Variants in AXIN1 observed in about 807,000 individuals in gnomAD.
AXIN1 encodes axin 1.
Under a neutral mutation model 76.4 loss-of-function variants are expected in AXIN1, and 30 were observed. The ratio of observed to expected loss-of-function variants is 0.39; its 90% CI spans 0.29 to 0.53. The LOEUF is 0.53. Among genes scored for constraint, AXIN1 ranks in the 20% least tolerant of loss-of-function variants. The pLI is 0.66. For synonymous variants in AXIN1, 545 were observed against 501.4 expected (o/e 1.09, Z -1.16); for missense variants, 1,140 against 1,198.8 (o/e 0.95, Z 0.72).
At chr16:333,274 G>A (rs867116404) in intron 2 of AXIN1, among the ~76,000 whole-genome samples, 9 of 151,990 alleles carry the variant, frequency 5.9e-5, no homozygotes, top group African/African-American at 2.2e-4. Context: ...AGCGGATGCA[G>A]TGAGCCGAGA....
chr16:332,502 G>T (rs1364821314), intron 2 of AXIN1, among the ~76,000 whole-genome samples: 1 of 151,384 alleles, frequency 6.6e-6, no homozygotes, highest in Non-Finnish European at 1.5e-5. Context: ...CGTGAACCCG[G>T]GAGGTGGAGG....
chr16:294,790 C>T (rs1195243130), intron 7 of AXIN1, among the ~76,000 whole-genome samples: 6 of 141,970 alleles, frequency 4.2e-5, no homozygotes, highest in Non-Finnish European at 7.6e-5. Flanking sequence ...AGGCCAGGCG[C>T]GGTGGCTCAC....
intron 5 of AXIN1, among the ~76,000 whole-genome samples, chr16:298,795 G>C (rs2052789928): frequency 6.6e-6 from 1 of 151,306 alleles, no homozygotes; most frequent in Non-Finnish European, 1.5e-5. Flanking sequence ...TTGAGACAGA[G>C]TCTTGCTCTG....
chr16:347,993 G>C (rs571617270), intron 1 of AXIN1, among the ~76,000 whole-genome samples: 9 of 152,340 alleles, frequency 5.9e-5, no homozygotes, highest in African/African-American at 1.7e-4. Context: ...GGAAGCTATA[G>C]TTCATGTGAC....
At position 350,042 on chromosome 16, in the gene AXIN1, G is replaced by A. The variant is rs577447974; in HGVS notation, c.-82+2327C>T. Among the ~76,000 whole-genome samples the A allele has an allele frequency of 3.3e-5, 5 of 152,242 alleles. No homozygotes were observed. In the East Asian group the frequency reaches 7.7e-4, roughly 24 times the overall value. On this transcript the variant is annotated intron_variant, in intron 1 of 10. Coordinates refer to ENST00000262320, the MANE Select transcript of AXIN1 (RefSeq NM_003502.4). ...GAGCTCAAAGCAATCCACCCGCCTC[G>A]GCCTCCCAAAGTGTTGGGATTACAG...
intron 2 of AXIN1, 61 bp downstream of exon 2, chr16:346,087 T>C: frequency 1.3e-6 from 2 of 1,563,208 alleles, no homozygotes; most frequent in Non-Finnish European, 1.8e-6. Context: ...CACCTTTCCC[T>C]GGCTTGTTCT....
chr16:348,300 C>G (rs2054072966), intron 1 of AXIN1, among the ~76,000 whole-genome samples: 1 of 152,174 alleles, frequency 6.6e-6, no homozygotes, highest in South Asian at 2.1e-4. Context: ...TTTAGAGAAG[C>G]ATGTTGGGTT....
At chr16:335,503 A>C (rs1481553761) in intron 2 of AXIN1, among the ~76,000 whole-genome samples, 1 of 152,060 alleles carries the variant, frequency 6.6e-6, no homozygotes, top group Non-Finnish European at 1.5e-5. Context: ...ACAGCACGCC[A>C]ATAACACAGC....
At chr16:349,506 C>T (rs1189141070) in intron 1 of AXIN1, among the ~76,000 whole-genome samples, 2 of 152,204 alleles carry the variant, frequency 1.3e-5, no homozygotes, top group Non-Finnish European at 2.9e-5. Flanking sequence ...AGAACCAAGT[C>T]ACCGGAGAGT....
intron 4 of AXIN1, among the ~76,000 whole-genome samples, chr16:306,502 C>T (rs764476197): frequency 2.0e-5 from 3 of 152,210 alleles, no homozygotes; most frequent in Non-Finnish European, 4.4e-5. Context: ...GCCCTCCCGC[C>T]GTGGGCTCTG....
rs1392501479 is a variant in AXIN1, at chr16:291,565, G to C, written c.2187-268C>G. On this transcript the variant is annotated intron_variant, in intron 8 of 10. Transcript: ENST00000262320. ...CTGGACCGCACTTTGGGGAGCTTCC[G>C]ATCAGGGGTGCTGGGATCCCACCAC... is the stretch of plus-strand genomic sequence containing the variant. The C allele has an allele frequency of 7.5e-6, 4 of 536,544 alleles. No individual in the cohort carries two copies. The African/African-American group carries it at 7.6e-5, about 10-fold the overall frequency. 33.2% of individuals were successfully genotyped at this position (536,544 alleles called of 1,614,324 possible). A position where few individuals can be genotyped will look rare whatever the true frequency, so the allele number is the denominator to read the frequency against.
chr16:352,093 G>A (rs980630052), intron 1 of AXIN1, among the ~76,000 whole-genome samples: 2 of 152,030 alleles, frequency 1.3e-5, no homozygotes, highest in Non-Finnish European at 2.9e-5. Flanking sequence ...ACTTCTGGGC[G>A]GCGGGGAGGG....
chr16:316,031 C>T (rs1231335431), intron 2 of AXIN1, among the ~76,000 whole-genome samples: 5 of 151,580 alleles, frequency 3.3e-5, no homozygotes, highest in African/African-American at 9.7e-5. Flanking sequence ...CCAGCCTGGG[C>T]GACAGAGTAA....
chr16:291,188 A>T lies in AXIN1; in HGVS notation c.2294+2T>A, dbSNP rs1216717196. The T allele has an allele frequency of 1.3e-6, 2 of 1,577,326 alleles. No homozygotes were observed. The highest frequency in any genetic ancestry group is 1.7e-6 in the Non-Finnish European group (2 of 1,162,070). On this transcript the variant is annotated splice_donor_variant, in intron 9 of 10. Coordinates refer to ENST00000262320, the MANE Select transcript of AXIN1 (RefSeq NM_003502.4). LOFTEE classifies it high-confidence loss of function. The stretch of plus-strand genomic sequence containing the variant: ...CCGGGAGGACCCTCAGGACGCACGT[A>T]CTCTGTCTCGGAGAGCTCCATGTCC...
chr16:313,021 C>A (rs569905489), intron 3 of AXIN1, among the ~76,000 whole-genome samples: 144 of 150,530 alleles, frequency 9.6e-4, no homozygotes, highest in South Asian at 4.2e-4. Context: ...CAAAAATAAT[C>A]ATCATCATCA....
At chr16:292,991 G>C (rs1310485601) in intron 8 of AXIN1, 1 of 171,162 alleles carries the variant, frequency 5.8e-6, no homozygotes, top group Non-Finnish European at 1.3e-5. Flanking sequence ...GGAGGGCTGT[G>C]GGCTGGACGT....
chr16:291,548 C>T (rs2052562064), intron 8 of AXIN1: 1 of 564,872 alleles, frequency 1.8e-6, no homozygotes, highest in Non-Finnish European at 3.2e-6. Flanking sequence ...CCCTGGACCG[C>T]ACTTTGGGGA....
chr16:302,510 G>C (rs1233005391), intron 5 of AXIN1, among the ~76,000 whole-genome samples: 1 of 152,264 alleles, frequency 6.6e-6, no homozygotes, highest in African/African-American at 2.4e-5. Flanking sequence ...TCCCCGCCAT[G>C]AATCCCAGCT....
intron 4 of AXIN1, among the ~76,000 whole-genome samples, chr16:308,126 G>A (rs1218156236): frequency 3.3e-5 from 5 of 152,230 alleles, no homozygotes; most frequent in South Asian, 2.1e-4. Context: ...GGTGCGGAAC[G>A]CAGCAGGGCC....
Sources: gnomAD v4.1 joint callset for allele counts (sites outside exome capture counted in the v4.1 genomes callset) on GRCh38, gnomAD v4.1.1 for gene constraint, MANE v1.5 for transcripts, NCBI Gene and HGNC (gene_info 2026-07-23, HGNC 2026-07-21) for gene names.